Variants in GRIP1 observed in about 807,000 individuals in gnomAD.
GRIP1 encodes glutamate receptor interacting protein 1.
Under a neutral mutation model 129.9 loss-of-function variants are expected in GRIP1, and 45 were observed. The observed-to-expected ratio is 0.35, with a 90% confidence interval of 0.27 to 0.44. The LOEUF (loss-of-function observed/expected upper bound fraction) is 0.44. Ranked by LOEUF, GRIP1 falls within the 20% of genes least tolerant of loss-of-function variation. The probability of loss-of-function intolerance (pLI) is 1.00; values close to 1 mark genes in which losing one functional copy is unlikely to be tolerated. For synonymous variants in GRIP1, 530 were observed against 520.8 expected (o/e 1.02, Z -0.24); for missense variants, 1,196 against 1,396.8 (o/e 0.86, Z 2.29).
chr12:66,861,577 A>T (rs1826965657), intron 1 of GRIP1, among the ~76,000 whole-genome samples: 1 of 152,114 alleles, frequency 6.6e-6, no homozygotes. Context: ...TGAATACAGA[A>T]ATCCCACATG....
At chr12:66,492,734 G>C (rs2060135641) in intron 7 of GRIP1, among the ~76,000 whole-genome samples, 1 of 152,194 alleles carries the variant, frequency 6.6e-6, no homozygotes, top group African/African-American at 2.4e-5. Context: ...GCTAGGCCAG[G>C]CATGGTGGCT....
At chr12:66,491,729 A>C (rs537089468) in intron 7 of GRIP1, among the ~76,000 whole-genome samples, 5 of 152,378 alleles carry the variant, frequency 3.3e-5, no homozygotes, top group African/African-American at 1.2e-4. Context: ...ATTTACTTTA[A>C]AAAGTGTAAA....
chr12:67,058,393 G>A (rs1244320503), intron 1 of GRIP1, among the ~76,000 whole-genome samples: 2 of 152,144 alleles, frequency 1.3e-5, no homozygotes, highest in African/African-American at 4.8e-5. Context: ...ACAGTAAAAG[G>A]AAAAGACTTA....
At chr12:66,893,199 CATA>C (rs2137239111) in intron 1 of GRIP1, among the ~76,000 whole-genome samples, 1 of 152,024 alleles carries the variant, frequency 6.6e-6, no homozygotes, top group Non-Finnish European at 1.5e-5. Flanking sequence ...TTTCAGTTAG[CATA>C]ATGTCCTTGA....
chr12:66,714,432 T>C (rs2035805402), intron 1 of GRIP1, among the ~76,000 whole-genome samples: 2 of 152,072 alleles, frequency 1.3e-5, no homozygotes. Context: ...TTGCCAGATA[T>C]GTCTTTTAAG....
intron 7 of GRIP1, among the ~76,000 whole-genome samples, chr12:66,487,513 C>T (rs542381253): frequency 1.5e-4 from 23 of 152,234 alleles, no homozygotes; most frequent in Admixed American, 2.6e-4. Context: ...GAAACTATTA[C>T]CAGCCACTAC....
At chr12:66,382,243 A>G (rs1165587549) in intron 19 of GRIP1, among the ~76,000 whole-genome samples, 1 of 152,144 alleles carries the variant, frequency 6.6e-6, no homozygotes, top group Non-Finnish European at 1.5e-5. Context: ...AAATAAAAGT[A>G]ACTGGGCATG....
intron 2 of GRIP1, among the ~76,000 whole-genome samples, chr12:66,549,310 G>A (rs2139294077): frequency 6.6e-6 from 1 of 152,224 alleles, no homozygotes; most frequent in South Asian, 2.1e-4. Context: ...TGATAAAGGA[G>A]CAGAATCTGA....
chr12:66,415,270 A>G (rs377165462), intron 15 of GRIP1, among the ~76,000 whole-genome samples: 2 of 151,848 alleles, frequency 1.3e-5, no homozygotes, highest in South Asian at 2.1e-4. Context: ...TCTACAAAGA[A>G]CTTCACTTCT....
intron 1 of GRIP1, among the ~76,000 whole-genome samples, chr12:67,058,043 T>C (rs1056591533): frequency 6.6e-6 from 1 of 152,234 alleles, no homozygotes; most frequent in African/African-American, 2.4e-5. Flanking sequence ...AGGATATTAG[T>C]ATATTCCTCT....
At chr12:66,981,422 T>A (rs1350277677) in intron 1 of GRIP1, among the ~76,000 whole-genome samples, 1 of 152,222 alleles carries the variant, frequency 6.6e-6, no homozygotes, top group East Asian at 1.9e-4. Context: ...GCTCAAAATA[T>A]ATTTTTGAAA....
intron 1 of GRIP1, among the ~76,000 whole-genome samples, chr12:66,949,760 CTTT>C (rs781123585): frequency 2.3e-5 from 2 of 85,422 alleles, no homozygotes; most frequent in African/African-American, 4.4e-5. Flanking sequence ...CATGCTCCTC[CTTT>C]TTTTTTTTTT....
chr12:66,404,757 C>T (rs904950043), intron 16 of GRIP1, among the ~76,000 whole-genome samples: 2 of 152,118 alleles, frequency 1.3e-5, no homozygotes, highest in African/African-American at 2.4e-5. Context: ...TATGGCCAGG[C>T]GCAGTGGCTC....
intron 1 of GRIP1, among the ~76,000 whole-genome samples, chr12:66,824,031 C>G (rs1054851202): frequency 4.6e-5 from 7 of 152,172 alleles, no homozygotes; most frequent in African/African-American, 1.7e-4. Flanking sequence ...GCAGCTGCCA[C>G]AAGGCCCTAA....
chr12:66,373,915 T>A (rs2055657613), intron 22 of GRIP1, among the ~76,000 whole-genome samples: 2 of 152,216 alleles, frequency 1.3e-5, no homozygotes, highest in African/African-American at 4.8e-5. Context: ...CCCAAGAGCC[T>A]GGGCATGGAG....
At chr12:66,773,128 G>A (rs571509863) in intron 1 of GRIP1, among the ~76,000 whole-genome samples, 7 of 152,284 alleles carry the variant, frequency 4.6e-5, no homozygotes, top group South Asian at 2.1e-4. Flanking sequence ...TGACATTTTC[G>A]TAGTTACTGA....
chr12:66,682,362 T>C (rs1482738117), upstream of GRIP1, among the ~76,000 whole-genome samples: 1 of 152,140 alleles, frequency 6.6e-6, no homozygotes, highest in African/African-American at 2.4e-5. Flanking sequence ...AGGAATCCCT[T>C]CTCACTGCAT....
rs754664592 is a variant in GRIP1 at position 66,377,168 on chromosome 12, G to A, written c.2733+6C>T. On this transcript the variant is annotated splice_donor_region_variant and intron_variant, in intron 21 of 24. Transcript: ENST00000359742. ...CAATAAAAGTAAGTAGCAGGACCAA[G>A]GCTACCTCCAGTTCTCTCAGAATTC... 1 of 1,593,596 alleles carries A rather than the reference G, an allele frequency of 6.3e-7. No homozygotes were observed. Among genetic ancestry groups the A allele is most frequent in the African/African-American group, 1.3e-5 (1 of 74,642 alleles).
chr12:66,455,313 C>CT, intron 11 of GRIP1, 96 bp downstream of exon 11: 1 of 1,141,558 alleles, frequency 8.8e-7, no homozygotes. Context: ...ACTTAAGCAA[C>CT]TGTGAAACAC....
Sources: gnomAD v4.1 joint callset for allele counts (sites outside exome capture counted in the v4.1 genomes callset) on GRCh38, gnomAD v4.1.1 for gene constraint, MANE v1.5 for transcripts, NCBI Gene and HGNC (gene_info 2026-07-23, HGNC 2026-07-21) for gene names.